Variants in THNSL1 observed in about 807,000 individuals in gnomAD.
The protein encoded by THNSL1 is threonine synthase-like 1.
In THNSL1, 48 loss-of-function variants were observed where a neutral mutation model predicts 50.4. The observed-to-expected ratio is 0.95, with a 90% CI of 0.76 to 1.21. THNSL1 has a LOEUF of 1.21. Ranked by LOEUF, THNSL1 falls within the 50% of genes most tolerant of loss-of-function variation. The pLI, the probability that THNSL1 is intolerant of heterozygous loss-of-function variation, is 0.00. For missense variants in THNSL1, 896 were observed against 871.7 expected (o/e 1.03, Z -0.35); for synonymous variants, 309 against 306.1 (o/e 1.01, Z -0.10).
chr10:24,993,491 C>T, the THNSL1 span, among the ~76,000 whole-genome samples: 1 of 152,166 alleles, frequency 6.6e-6, no homozygotes, highest in African/African-American at 2.4e-5. Flanking sequence ...TCTATCCTTG[C>T]TTGTTTTCAG....
chr10:25,019,567 T>C (rs909493744), intron 1 of THNSL1, among the ~76,000 whole-genome samples: 6 of 152,234 alleles, frequency 3.9e-5, no homozygotes, highest in Admixed American at 3.3e-4. Flanking sequence ...AGCATTTGCA[T>C]TGTATTATGT....
chr10:24,980,537 C>G, the THNSL1 span, among the ~76,000 whole-genome samples: 1 of 152,134 alleles, frequency 6.6e-6, no homozygotes, highest in Non-Finnish European at 1.5e-5. Flanking sequence ...GTCTTCCCAA[C>G]ATAGCTGTTT....
At chr10:24,987,720 G>T in the THNSL1 span, among the ~76,000 whole-genome samples, 1 of 152,128 alleles carries the variant, frequency 6.6e-6, no homozygotes, top group Non-Finnish European at 1.5e-5. Context: ...GTTCTGTAGT[G>T]GGGGAAACAC....
At chr10:24,971,868 G>T in the THNSL1 span, among the ~76,000 whole-genome samples, 1 of 152,100 alleles carries the variant, frequency 6.6e-6, no homozygotes, top group East Asian at 1.9e-4. Flanking sequence ...TCTATTGTTG[G>T]CTCTGTGCAT....
At chr10:25,002,333 T>A in the THNSL1 span, among the ~76,000 whole-genome samples, 1 of 152,216 alleles carries the variant, frequency 6.6e-6, no homozygotes, top group Non-Finnish European at 1.5e-5. Flanking sequence ...CCTCTCTCTA[T>A]GCAACTCTCC....
the THNSL1 span, among the ~76,000 whole-genome samples, chr10:25,009,260 A>T: frequency 6.6e-6 from 1 of 152,224 alleles, no homozygotes; most frequent in East Asian, 1.9e-4. Context: ...TATAATAAAA[A>T]AAAAAGTATG....
At position 25,023,384 on chromosome 10, in the gene THNSL1, G is replaced by T. The variant is rs1481690296; in HGVS notation, c.161G>T (p.Gly54Val). 1 of 1,614,004 alleles carries T rather than the reference G, an allele frequency of 6.2e-7. No homozygotes were observed. Among genetic ancestry groups the T allele is most frequent in the Non-Finnish European group, 8.5e-7 (1 of 1,180,000 alleles). Residue 54 changes from glycine to valine, a missense_variant, in exon 3 of 3, where the codon GGA becomes GTA. By Grantham distance (109) the Gly-to-Val change is moderately radical (BLOSUM62 -3). Transcript: ENST00000376356. ...KSWYSTHSLV[G>V]DKNIILMGPP... ...TGGTATTCAACCCACTCTCTTGTTGGAGACAAAAATATTATCCTGATGGGA... is the reference window on the plus strand; with the variant it reads ...TGGTATTCAACCCACTCTCTTGTTGTAGACAAAAATATTATCCTGATGGGA...
the THNSL1 span, among the ~76,000 whole-genome samples, chr10:25,006,639 CA>C: frequency 2.6e-5 from 4 of 151,490 alleles, no homozygotes; most frequent in African/African-American, 7.3e-5. Context: ...ATAGCCTCAT[CA>C]AAAAAAACCT....
chr10:24,983,942 A>G, the THNSL1 span: 1 of 156,938 alleles, frequency 6.4e-6, no homozygotes, highest in Non-Finnish European at 1.4e-5. Flanking sequence ...GTAATCTTAC[A>G]AATGTAACTT....
the THNSL1 span, among the ~76,000 whole-genome samples, chr10:25,008,807 G>T: frequency 2.0e-5 from 3 of 152,104 alleles, no homozygotes; most frequent in African/African-American, 7.3e-5. Context: ...ACATGCACAC[G>T]TATGTTTATT....
the THNSL1 span, among the ~76,000 whole-genome samples, chr10:24,994,033 C>A: frequency 6.6e-6 from 1 of 152,116 alleles, no homozygotes; most frequent in South Asian, 2.1e-4. Flanking sequence ...CCTGGAGAAG[C>A]CTGAAGTAAC....
chr10:25,021,105 A>G (rs1021373588), intron 1 of THNSL1, among the ~76,000 whole-genome samples: 12 of 152,232 alleles, frequency 7.9e-5, no homozygotes, highest in Non-Finnish European at 1.5e-4. Flanking sequence ...TTTATAAACC[A>G]AACCATAAAA....
At chr10:24,961,100 A>G in the THNSL1 span, among the ~76,000 whole-genome samples, 1 of 152,236 alleles carries the variant, frequency 6.6e-6, no homozygotes, top group Non-Finnish European at 1.5e-5. Context: ...AAAATATAGA[A>G]AAACAGAAGT....
the THNSL1 span, among the ~76,000 whole-genome samples, chr10:24,960,580 C>A: frequency 6.6e-6 from 1 of 151,836 alleles, no homozygotes; most frequent in Non-Finnish European, 1.5e-5. Flanking sequence ...GCGTGCACCA[C>A]TACACCCTGC....
chr10:24,952,769 C>T, the THNSL1 span, among the ~76,000 whole-genome samples: 1 of 151,606 alleles, frequency 6.6e-6, no homozygotes, highest in Non-Finnish European at 1.5e-5. This position sits in a 1 kb window ranked among gnomAD's most constrained non-coding sequence, Gnocchi z 5.1. Context: ...CGGCGCTGCG[C>T]CCCCTCCCCT....
chr10:25,011,193 C>T, the THNSL1 span, among the ~76,000 whole-genome samples: 3 of 152,090 alleles, frequency 2.0e-5, no homozygotes, highest in African/African-American at 7.2e-5. Flanking sequence ...CTCTGATGGC[C>T]AGTGATGATG....
chr10:24,965,726 T>G, the THNSL1 span, among the ~76,000 whole-genome samples: 2 of 152,236 alleles, frequency 1.3e-5, no homozygotes, highest in Non-Finnish European at 2.9e-5. Context: ...TTCCTCTTGA[T>G]TTTTCTTCTG....
chr10:25,024,718 G>C lies in THNSL1; in HGVS notation c.1495G>C (p.Gly499Arg). Residue 499 changes from glycine to arginine, a missense_variant, in exon 3 of 3, where the codon GGA (glycine) becomes CGA (arginine). Gly to Arg is a moderately radical substitution (Grantham distance 125, BLOSUM62 -2). Coordinates refer to ENST00000376356, the MANE Select transcript of THNSL1 (RefSeq NM_024838.5). ...DLVSQGFISF[G>R]SPVDVCIPTG... The stretch of plus-strand genomic sequence containing the variant: ...TGTTAGTCAAGGATTTATTTCTTTT[G>C]GAAGCCCAGTCGATGTCTGTATTCC... The C allele has an allele frequency of 6.2e-7, 1 of 1,614,074 alleles. No individual in the cohort carries two copies. The highest frequency in any genetic ancestry group is 1.1e-5 in the South Asian group (1 of 91,066).
the THNSL1 span, among the ~76,000 whole-genome samples, chr10:24,999,020 A>G: frequency 3.3e-5 from 5 of 152,158 alleles, no homozygotes; most frequent in African/African-American, 1.2e-4. Context: ...TGTAATTTTC[A>G]TCTCTTGGAG....
Sources: gnomAD v4.1 joint callset for allele counts (sites outside exome capture counted in the v4.1 genomes callset) on GRCh38, gnomAD v4.1.1 for gene constraint, Gnocchi (gnomAD v3.1) non-coding constraint, MANE v1.5 for transcripts, NCBI Gene and HGNC (gene_info 2026-07-23, HGNC 2026-07-21) for gene names.